Variants in WDTC1 observed in about 807,000 individuals in gnomAD.
WDTC1 encodes the protein WD and tetratricopeptide repeats protein 1.
WDTC1 carries 12 observed loss-of-function variants against 76.0 expected under a neutral mutation model. The ratio of observed to expected loss-of-function variants is 0.16; its 90% CI spans 0.10 to 0.26. The LOEUF is 0.26. Among genes scored for constraint, WDTC1 ranks in the 10% least tolerant of loss-of-function variants. The probability of loss-of-function intolerance (pLI) is 1.00; values close to 1 mark genes in which losing one functional copy is unlikely to be tolerated. For synonymous variants in WDTC1, 326 were observed against 350.8 expected, an observed-to-expected ratio of 0.93 and a Z score of 0.79; for missense variants, 511 against 908.8, an observed-to-expected ratio of 0.56 and a Z score of 5.63.
intron 12 of WDTC1, among the ~76,000 whole-genome samples, chr1:27,298,573 C>T (rs1188515450): frequency 6.6e-6 from 1 of 152,146 alleles, no homozygotes; most frequent in Non-Finnish European, 1.5e-5. Flanking sequence ...TGTTCTTAGA[C>T]CCTTTGGACT....
Position 27,306,266 on chromosome 1 carries a change from G to T in WDTC1, c.1917G>T (p.Pro639=). 1 of 1,614,136 alleles carries T rather than the reference G, an allele frequency of 6.2e-7. No homozygotes were observed. Among genetic ancestry groups the T allele is most frequent in the Non-Finnish European group, 8.5e-7 (1 of 1,180,032 alleles). Residue 639 remains proline (P), a synonymous_variant, in exon 16 of 16, where the codon CCG becomes CCT. Coordinates refer to ENST00000319394, the MANE Select transcript of WDTC1 (RefSeq NM_001276252.2). This position sits in a 1 kb window ranked among gnomAD's most constrained non-coding sequence, Gnocchi z 5.0. Reference sequence around the variant, plus strand: ...ACCAGCGGCGCATGAATGCAGACCCGTTGGAGGTGATGCTGCTCAACATGG... The same window carrying T: ...ACCAGCGGCGCATGAATGCAGACCCTTTGGAGGTGATGCTGCTCAACATGG... ...QANQRRMNAD[P]LEVMLLNMGY...
chr1:27,273,398 C>T (rs1026128991), intron 3 of WDTC1, among the ~76,000 whole-genome samples: 9 of 151,620 alleles, frequency 5.9e-5, no homozygotes, highest in African/African-American at 9.7e-5. Flanking sequence ...TTAGTAGAGA[C>T]GAGGTTTCAC....
At chr1:27,240,264 T>C (rs759655286) in intron 1 of WDTC1, among the ~76,000 whole-genome samples, 6 of 152,134 alleles carry the variant, frequency 3.9e-5, no homozygotes, top group Admixed American at 1.3e-4. Flanking sequence ...ATCCCCACTT[T>C]ACAAATGAGA....
Position 27,305,472 on chromosome 1 carries a change from A to G in WDTC1, c.1836+279A>G, listed in dbSNP as rs1246802166. Reference sequence around the variant, plus strand: ...ATCCAGTCTCCTCACTCGCTGCCTGAGAGACTTCACCATCTCTGACCCAGG... The same window carrying G: ...ATCCAGTCTCCTCACTCGCTGCCTGGGAGACTTCACCATCTCTGACCCAGG... On this transcript the variant is annotated intron_variant, in intron 15 of 15. Transcript: ENST00000319394. The surrounding 1 kb of genome is among the most constrained non-coding windows in gnomAD (Gnocchi z 4.6). Among the ~76,000 whole-genome samples, 1 of 152,194 alleles carries G rather than the reference A, an allele frequency of 6.6e-6. No individual in the cohort carries two copies.
In WDTC1 at chr1:27,305,651, A is replaced by G. The variant is rs563634736; in HGVS notation, c.1836+458A>G. ...CACTCCCAGGGTGGGTAGCCAGGGA[A>G]GCTGGCTTGGTGCCTCCCCTTCCCC... On this transcript the variant is annotated intron_variant, in intron 15 of 15. Transcript: ENST00000319394. This position sits in a 1 kb window ranked among gnomAD's most constrained non-coding sequence, Gnocchi z 4.6. 1.0e-3 allele frequency among the ~76,000 whole-genome samples: 159 copies of G among 152,294 alleles called. 1 individual carries two copies. The highest frequency in any genetic ancestry group is 3.7e-3 in the African/African-American group (153 of 41,574).
chr1:27,298,542 C>T (rs2013750053), intron 12 of WDTC1, among the ~76,000 whole-genome samples: 6 of 152,134 alleles, frequency 3.9e-5, no homozygotes, highest in Admixed American at 3.9e-4. Context: ...AGTCCCTTGC[C>T]CCTCTAAGGC....
intron 12 of WDTC1, among the ~76,000 whole-genome samples, chr1:27,300,042 G>A (rs10751723): frequency 6.6e-6 from 1 of 152,224 alleles, no homozygotes; most frequent in South Asian, 2.1e-4. Flanking sequence ...TCCTTCGTCA[G>A]AGCCACTCAT....
intron 1 of WDTC1, among the ~76,000 whole-genome samples, chr1:27,236,117 T>C (rs1283881988): frequency 6.6e-6 from 1 of 152,252 alleles, no homozygotes; most frequent in Non-Finnish European, 1.5e-5. Context: ...GGCCAGCTTC[T>C]GCTCACTGTA....
chr1:27,297,978 C>A lies in WDTC1; in HGVS notation c.1099C>A (p.Gln367Lys). The part of the protein sequence containing the change: ...ELPPYLERVK[Q>K]QANEAFACQQ... Reference sequence around the variant, plus strand: ...ACCACCATACCTGGAGCGTGTGAAACAGCAAGCCAATGAGGCTTTTGCCTG... The same window carrying A: ...ACCACCATACCTGGAGCGTGTGAAAAAGCAAGCCAATGAGGCTTTTGCCTG... Residue 367 changes from glutamine (Q) to lysine (K), a missense_variant, in exon 12 of 16, where the codon CAG (glutamine) becomes AAG (lysine). Transcript: ENST00000319394. The A allele has an allele frequency of 6.2e-7, 1 of 1,613,958 alleles. No individual in the cohort carries two copies. The highest frequency in any genetic ancestry group is 8.5e-7 in the Non-Finnish European group (1 of 1,179,866).
In WDTC1 at chr1:27,298,086, G is replaced by A; in HGVS notation, c.1207G>A (p.Ala403Thr). ...CAATGCCATGCTTTATGGAAACCGA[G>A]CAGCAGCCTACATGAAGCGCAAGTG... ...PHNAMLYGNR[A>T]AAYMKRKWDG... The change falls in exon 12 of 16, where the codon GCA becomes ACA. Residue 403 changes from alanine to threonine, a missense_variant. Coordinates refer to ENST00000319394, the MANE Select transcript of WDTC1 (RefSeq NM_001276252.2). The A allele has an allele frequency of 6.2e-7, 1 of 1,612,372 alleles. No homozygotes were observed. The highest frequency in any genetic ancestry group is 8.5e-7 in the Non-Finnish European group (1 of 1,178,910).
At chr1:27,261,460 A>G (rs1570951619) in intron 2 of WDTC1, among the ~76,000 whole-genome samples, 1 of 152,302 alleles carries the variant, frequency 6.6e-6, no homozygotes, top group East Asian at 1.9e-4. Flanking sequence ...GCCAAGTTGT[A>G]TATGTAAGAG....
At position 27,243,951 on chromosome 1, in the gene WDTC1, C is replaced by A. The variant is rs1456705655; in HGVS notation, c.-100+9000C>A. 6.1e-5 allele frequency among the ~76,000 whole-genome samples: 5 copies of A among 82,406 alleles called. No individual in the cohort carries two copies. In the East Asian group the frequency reaches 1.7e-3, roughly 29 times the overall value. The allele number at this position is 82,406 out of a possible 152,430, so 54.1% of individuals were successfully genotyped here. The stretch of plus-strand genomic sequence containing the variant: ...GACCAGCCTGGGCAGCATGGTGAAA[C>A]CCCATCTCTACAAAAAAAAAAAAAA... On this transcript the variant is annotated intron_variant, in intron 1 of 15. Coordinates refer to ENST00000319394, the MANE Select transcript of WDTC1 (RefSeq NM_001276252.2).
rs149700939 is a variant in WDTC1 at position 27,279,628 on chromosome 1, G to A, written c.133-2611G>A. ...GTTGCCCAGGCTGGAGTGCAGTGAC[G>A]TGATCATGGCTCACTGTAGCCTCCA... On this transcript the variant is annotated intron_variant, in intron 3 of 15. Coordinates refer to ENST00000319394, the MANE Select transcript of WDTC1 (RefSeq NM_001276252.2). 3.3e-5 allele frequency among the ~76,000 whole-genome samples: 5 copies of A among 152,160 alleles called. No homozygotes were observed. In the East Asian group the frequency reaches 5.8e-4, roughly 18 times the overall value.
At chr1:27,284,650 T>A (rs2013279947) in intron 5 of WDTC1, among the ~76,000 whole-genome samples, 1 of 152,196 alleles carries the variant, frequency 6.6e-6, no homozygotes. Context: ...TAGTTTAGCA[T>A]CAGAGCACAA....
chr1:27,299,574 T>C (rs2013780661), intron 12 of WDTC1, among the ~76,000 whole-genome samples: 1 of 152,118 alleles, frequency 6.6e-6, no homozygotes, highest in South Asian at 2.1e-4. Context: ...AGAGCTTGTT[T>C]GCAGAACAGC....
At chr1:27,285,090 G>C (rs2013296124) in intron 5 of WDTC1, among the ~76,000 whole-genome samples, 2 of 145,218 alleles carry the variant, frequency 1.4e-5, no homozygotes, top group African/African-American at 5.2e-5. Flanking sequence ...AGGCTGGAGT[G>C]CAGTTGGCAC....
Position 27,308,474 on chromosome 1 carries a change from T to C in WDTC1, c.*2091T>C, listed in dbSNP as rs1290314552. 6.6e-6 allele frequency: 1 copy of C among 152,178 alleles called. No homozygotes were observed. The highest frequency in any genetic ancestry group is 2.4e-5 in the African/African-American group (1 of 41,428). The allele number at this position is 152,178 out of a possible 1,614,324, so 9.4% of individuals were successfully genotyped here. A position where few individuals can be genotyped will look rare whatever the true frequency, so the allele number is the denominator to read the frequency against. ...ATCATCAGCTTTCACTCTCTGGCTG[T>C]TTTCTCATCAGTAAAATAAGGGACT... On this transcript the variant is annotated 3_prime_UTR_variant, in exon 16 of 16. Coordinates refer to ENST00000319394, the MANE Select transcript of WDTC1 (RefSeq NM_001276252.2).
At chr1:27,240,956 C>G (rs1570933794) in intron 1 of WDTC1, among the ~76,000 whole-genome samples, 1 of 131,392 alleles carries the variant, frequency 7.6e-6, no homozygotes, top group African/African-American at 2.7e-5. Context: ...GCCTGGGTGA[C>G]AGTGAGACTC....
intron 12 of WDTC1, among the ~76,000 whole-genome samples, chr1:27,299,192 T>C (rs1000441129): frequency 2.6e-5 from 4 of 152,242 alleles, no homozygotes; most frequent in African/African-American, 9.6e-5. Flanking sequence ...AATCCATATG[T>C]GCCCTCAGCA....
Sources: allele counts gnomAD v4.1 joint callset (sites outside exome capture counted in the v4.1 genomes callset), GRCh38; gene constraint gnomAD v4.1.1; non-coding constraint Gnocchi (gnomAD v3.1); transcripts MANE v1.5; gene names NCBI Gene and HGNC (gene_info 2026-07-23, HGNC 2026-07-21).